TEK: variants seen among roughly 807,000 people sequenced by gnomAD.
TEK encodes the protein angiopoietin-1 receptor.
Under a neutral mutation model 131.8 loss-of-function variants are expected in TEK, and 43 were observed. That is an observed-to-expected ratio of 0.33 (90% CI 0.26 to 0.42). The LOEUF is 0.42. Among genes scored for constraint, TEK ranks in the 10% least tolerant of loss-of-function variants. The pLI is 1.00. For synonymous variants in TEK, 580 were observed against 491.6 expected (o/e 1.18, Z -2.38); for missense variants, 1,162 against 1,384.4 (o/e 0.84, Z 2.55).
intron 11 of TEK, among the ~76,000 whole-genome samples, chr9:27,194,700 G>C (rs549099): frequency 0.45 from 69,001 of 152,048 alleles, 15,943 homozygotes; most frequent in Non-Finnish European, 0.49. Context: ...AGAATGTGTT[G>C]CAGCCAGGAG....
At chr9:27,144,065 C>T (rs1015685825) in intron 1 of TEK, among the ~76,000 whole-genome samples, 7 of 152,170 alleles carry the variant, frequency 4.6e-5, no homozygotes, top group Admixed American at 3.3e-4. Context: ...GGGCAGAACA[C>T]GAGGTCAAGA....
chr9:27,218,832 T>TTATC lies in TEK; in HGVS notation c.3103+18_3103+21dup, dbSNP rs752800599. On this transcript the variant is annotated intron_variant, in intron 20 of 22. Transcript: ENST00000380036. Reference sequence around the variant, plus strand: ...TGTTAGCTTAGGTGAGTATCTATGTTTATCTACCAGGTGAGACTCTAGGCA... The same window carrying TTATC: ...TGTTAGCTTAGGTGAGTATCTATGTTTATCTATCTACCAGGTGAGACTCTAGGCA... The TTATC allele has an allele frequency of 3.1e-6, 5 of 1,613,672 alleles. No homozygotes were observed. The highest frequency in any genetic ancestry group is 1.3e-5 in the African/African-American group (1 of 75,036).
chr9:27,139,402 A>G (rs1822636120), intron 1 of TEK, among the ~76,000 whole-genome samples: 1 of 132,904 alleles, frequency 7.5e-6, no homozygotes, highest in South Asian at 2.4e-4. Flanking sequence ...ATCTCGGCTC[A>G]ATGCATGCTC....
chr9:27,161,022 G>A (rs1185758326), intron 2 of TEK, among the ~76,000 whole-genome samples: 2 of 152,224 alleles, frequency 1.3e-5, no homozygotes, highest in East Asian at 3.8e-4. Flanking sequence ...GGAACAAAAT[G>A]TGAAGTGCCA....
At chr9:27,176,841 C>G (rs1317546942) in intron 6 of TEK, among the ~76,000 whole-genome samples, 3 of 152,188 alleles carry the variant, frequency 2.0e-5, no homozygotes, top group African/African-American at 7.2e-5. Flanking sequence ...CAACATCTCC[C>G]CATTTCCTCC....
chr9:27,206,867 T>G (rs1825417832), intron 15 of TEK, 75 bp downstream of exon 15: 1 of 1,519,222 alleles, frequency 6.6e-7, no homozygotes, highest in South Asian at 1.2e-5. Context: ...CATTCTTTCC[T>G]CTATGGTCTT....
chr9:27,143,679 A>T (rs986105778), intron 1 of TEK, among the ~76,000 whole-genome samples: 1 of 152,184 alleles, frequency 6.6e-6, no homozygotes. Context: ...ACATATATAT[A>T]TATGTACACA....
At chr9:27,199,209 G>T (rs1825132799) in intron 12 of TEK, among the ~76,000 whole-genome samples, 1 of 152,130 alleles carries the variant, frequency 6.6e-6, no homozygotes, top group Non-Finnish European at 1.5e-5. Context: ...ATTTAGCTTT[G>T]ATGCATGTAA....
rs1243093208 is a variant in TEK, at chr9:27,229,646, AC to A, written c.*417del. On this transcript the variant is annotated 3_prime_UTR_variant, in exon 23 of 23. Transcript: ENST00000380036. The stretch of plus-strand genomic sequence containing the variant: ...AATATTGTTAATAAACCTAACAATG[AC>A]CCTGATAGTACAGGTTAAGTGAGAG... 2.9e-5 allele frequency: 7 copies of A among 238,594 alleles called. No homozygotes were observed. The highest frequency in any genetic ancestry group is 5.9e-5 in the Non-Finnish European group (7 of 119,520). The allele number at this position is 238,594 out of a possible 1,614,324, so 14.8% of individuals were successfully genotyped here.
chr9:27,202,992 C>T lies in TEK; in HGVS notation c.2082C>T (p.Ile694=), dbSNP rs774209662. The change falls in exon 13 of 23, where the codon ATC becomes ATT. Residue 694 remains isoleucine, a synonymous_variant. Coordinates refer to ENST00000380036, the MANE Select transcript of TEK (RefSeq NM_000459.5). ...HVDVKIKNAT[I]TQYQLKGLEP... is the part of the protein sequence containing the mutation. Reference sequence around the variant, plus strand: ...ATGTGAAGATAAAGAATGCCACCATCACTCAGTATCAGCTCAAGGGCCTAG... The same window carrying T: ...ATGTGAAGATAAAGAATGCCACCATTACTCAGTATCAGCTCAAGGGCCTAG... 1.2e-6 allele frequency: 2 copies of T among 1,614,112 alleles called. No individual in the cohort carries two copies. Among genetic ancestry groups the T allele is most frequent in the Admixed American group, 3.3e-5 (2 of 60,006 alleles).
chr9:27,125,164 G>T (rs1306182191), intron 1 of TEK, among the ~76,000 whole-genome samples: 1 of 152,190 alleles, frequency 6.6e-6, no homozygotes. Flanking sequence ...AAGAGATGTG[G>T]AGCTGGAGCC....
At chr9:27,140,987 T>A (rs1481903340) in intron 1 of TEK, among the ~76,000 whole-genome samples, 2 of 152,068 alleles carry the variant, frequency 1.3e-5, no homozygotes, top group Non-Finnish European at 2.9e-5. Context: ...TTTCTTTTAA[T>A]TTATTCGTTA....
intron 2 of TEK, among the ~76,000 whole-genome samples, chr9:27,165,032 A>G (rs671804): frequency 0.8 from 122,294 of 152,176 alleles, 49,343 homozygotes; most frequent in Middle Eastern, 0.87. Flanking sequence ...TTAGTACTCA[A>G]CAGAGAGCAA....
intron 1 of TEK, among the ~76,000 whole-genome samples, chr9:27,122,871 G>A (rs1821844173): frequency 1.3e-5 from 2 of 151,672 alleles, no homozygotes; most frequent in Non-Finnish European, 2.9e-5. Context: ...GGCTAATACA[G>A]TGAAACCCTG....
chr9:27,138,923 T>A (rs1211853848), intron 1 of TEK, among the ~76,000 whole-genome samples: 3 of 152,018 alleles, frequency 2.0e-5, no homozygotes, highest in Non-Finnish European at 2.9e-5. Context: ...GAAAGTAGGA[T>A]TCTTAGATGG....
intron 21 of TEK, among the ~76,000 whole-genome samples, chr9:27,220,999 AAGCT>A (rs1423412149): frequency 1.3e-5 from 2 of 152,202 alleles, no homozygotes; most frequent in African/African-American, 4.8e-5. Context: ...GGAGCCCATC[AAGCT>A]AAGATCCACT....
chr9:27,180,432 G>T, intron 7 of TEK, 64 bp downstream of exon 7: 1 of 1,572,564 alleles, frequency 6.4e-7, no homozygotes, highest in South Asian at 1.2e-5. Context: ...CTTTGGTAGT[G>T]TAATTCTTGT....
At chr9:27,184,423 A>T (rs975443721) in intron 8 of TEK, among the ~76,000 whole-genome samples, 3 of 152,126 alleles carry the variant, frequency 2.0e-5, no homozygotes, top group Non-Finnish European at 4.4e-5. Context: ...CTATTTTTCT[A>T]TCAAAGATGA....
At chr9:27,218,004 C>G (rs182334152) in intron 19 of TEK, among the ~76,000 whole-genome samples, 1 of 152,124 alleles carries the variant, frequency 6.6e-6, no homozygotes, top group Non-Finnish European at 1.5e-5. Flanking sequence ...TCATGTGCTT[C>G]AAGTTGCGAA....
Sources: allele counts gnomAD v4.1 joint callset (sites outside exome capture counted in the v4.1 genomes callset), GRCh38; gene constraint gnomAD v4.1.1; transcripts MANE v1.5; gene names NCBI Gene and HGNC (gene_info 2026-07-23, HGNC 2026-07-21).